TLR5: variants seen among roughly 807,000 people sequenced by gnomAD.
The protein encoded by TLR5 is toll like receptor 5.
For missense variants in TLR5, 944 were observed against 999.8 expected (o/e 0.94, Z 0.75); for synonymous variants, 373 against 384.4 (o/e 0.97, Z 0.35).
intron 1 of TLR5, among the ~76,000 whole-genome samples, chr1:223,142,049 G>A (rs1349126611): frequency 2.0e-5 from 3 of 152,048 alleles, no homozygotes; most frequent in Non-Finnish European, 4.4e-5. Flanking sequence ...ACTGGGAATT[G>A]TTTTCTGCCC....
At chr1:223,113,521 T>TC (rs1364142011) in intron 5 of TLR5, among the ~76,000 whole-genome samples, 2 of 152,174 alleles carry the variant, frequency 1.3e-5, no homozygotes, top group Non-Finnish European at 2.9e-5. Context: ...TTGCTCTCTA[T>TC]CAAACACTTA....
At chr1:223,138,303 G>A (rs1405897380) in intron 2 of TLR5, among the ~76,000 whole-genome samples, 1 of 151,864 alleles carries the variant, frequency 6.6e-6, no homozygotes. Context: ...GTTTTGTTTT[G>A]TTTTGTTTAG....
At chr1:223,124,489 C>G (rs1353290327) in intron 5 of TLR5, among the ~76,000 whole-genome samples, 1 of 151,924 alleles carries the variant, frequency 6.6e-6, no homozygotes, top group Admixed American at 6.6e-5. Flanking sequence ...TTGGAGCCCC[C>G]TTAAGGTAGC....
intron 5 of TLR5, among the ~76,000 whole-genome samples, chr1:223,124,604 T>G (rs535991370): frequency 6.6e-6 from 1 of 152,226 alleles, no homozygotes; most frequent in Admixed American, 6.5e-5. Flanking sequence ...AGATTGCAGC[T>G]TGTGAGTTAT....
At chr1:223,138,915 T>G (rs765713198) in intron 2 of TLR5, among the ~76,000 whole-genome samples, 39 of 152,160 alleles carry the variant, frequency 2.6e-4, no homozygotes, top group Non-Finnish European at 4.9e-4. Flanking sequence ...TGGGGGCAGG[T>G]CTTCTGCGTG....
chr1:223,138,550 G>C (rs1218302175), intron 2 of TLR5, among the ~76,000 whole-genome samples: 1 of 152,090 alleles, frequency 6.6e-6, no homozygotes, highest in Non-Finnish European at 1.5e-5. Flanking sequence ...TCTTTCTCTA[G>C]GCCTGACCTC....
chr1:223,111,628 G>A lies in TLR5; in HGVS notation c.1404C>T (p.Thr468=). The A allele has an allele frequency of 1.2e-6, 2 of 1,614,108 alleles. No individual in the cohort carries two copies. Among genetic ancestry groups the A allele is most frequent in the Non-Finnish European group, 8.5e-7 (1 of 1,180,018 alleles). ...NRFSSCSGDQ[T]PSENPSLEQL... is the part of the protein sequence containing the mutation. ...GTTCTAAGCTGGGATTCTCTGAAGGGGTTTGATCTCCACTACAGGAGGAGA... is the reference window on the plus strand; with the variant it reads ...GTTCTAAGCTGGGATTCTCTGAAGGAGTTTGATCTCCACTACAGGAGGAGA... The change falls in exon 6 of 6, where the codon ACC becomes ACT. Residue 468 remains threonine, a synonymous_variant. Coordinates refer to ENST00000642603, the MANE Select transcript of TLR5 (RefSeq NM_003268.6).
chr1:223,124,729 G>C (rs1657097861), intron 5 of TLR5, among the ~76,000 whole-genome samples: 1 of 152,140 alleles, frequency 6.6e-6, no homozygotes, highest in South Asian at 2.1e-4. Context: ...TCAGCCTCCT[G>C]AGTAGCTGGG....
In TLR5 at chr1:223,110,316, A is replaced by G; in HGVS notation, c.*139T>C. 1.2e-6 allele frequency: 1 copy of G among 851,106 alleles called. No homozygotes were observed. Among genetic ancestry groups the G allele is most frequent in the South Asian group, 1.6e-5 (1 of 62,682 alleles). 52.7% of individuals were successfully genotyped at this position (851,106 alleles called of 1,614,324 possible). A position where few individuals can be genotyped will look rare whatever the true frequency, so the allele number is the denominator to read the frequency against. On this transcript the variant is annotated 3_prime_UTR_variant, in exon 6 of 6. Transcript: ENST00000642603. ...GACAGAACATGGTGTTGATACGAAA[A>G]TTGAGAGATTTATGTTGTTTTCATA...
At chr1:223,113,170 G>GCCAC in intron 5 of TLR5, 135 bp from the exon 6 acceptor site, 1 of 851,420 alleles carries the variant, frequency 1.2e-6, no homozygotes. Context: ...CTCCACAGAC[G>GCCAC]TGGCTGTTGG....
chr1:223,112,374 T>G lies in TLR5; in HGVS notation c.658A>C (p.Met220Leu). The G allele has an allele frequency of 6.2e-7, 1 of 1,614,250 alleles. No individual in the cohort carries two copies. Among genetic ancestry groups the G allele is most frequent in the Non-Finnish European group, 8.5e-7 (1 of 1,180,046 alleles). ...AGCACCATGTTTCTGAATGGGTTCATACATTTTCCCCAGTCCACTGAGACT... is the reference window on the plus strand; with the variant it reads ...AGCACCATGTTTCTGAATGGGTTCAGACATTTTCCCCAGTCCACTGAGACT... ...SRVSVDWGKC[M>L]NPFRNMVLEI... The change falls in exon 6 of 6, where the codon ATG (methionine) becomes CTG (leucine). Residue 220 changes from methionine (M) to leucine (L), a missense_variant. Transcript: ENST00000642603.
intron 5 of TLR5, among the ~76,000 whole-genome samples, chr1:223,126,482 T>A (rs1657170578): frequency 6.6e-6 from 1 of 152,228 alleles, no homozygotes; most frequent in African/African-American, 2.4e-5. Context: ...GGACATTTTT[T>A]ATAAAATGAA....
intron 5 of TLR5, among the ~76,000 whole-genome samples, chr1:223,122,087 C>T (rs920161564): frequency 6.6e-6 from 1 of 152,180 alleles, no homozygotes; most frequent in Non-Finnish European, 1.5e-5. Context: ...AAGGCAAGCA[C>T]CATCCCTCCT....
chr1:223,111,973 A>C lies in TLR5; in HGVS notation c.1059T>G (p.Ser353Arg). The C allele has an allele frequency of 6.2e-7, 1 of 1,614,210 alleles. No homozygotes were observed. The highest frequency in any genetic ancestry group is 8.5e-7 in the Non-Finnish European group (1 of 1,180,050). Reference sequence around the variant, plus strand: ...CCTTAGGTAGTCCATAGAAATTCGAACTGTAAAGTTCCCCCAGAAGGTTAT... The same window carrying C: ...CCTTAGGTAGTCCATAGAAATTCGACCTGTAAAGTTCCCCCAGAAGGTTAT... ...LSYNLLGELY[S>R]SNFYGLPKVA... is the part of the protein sequence containing the mutation. The change falls in exon 6 of 6, where the codon AGT (serine) becomes AGG (arginine). Residue 353 changes from serine to arginine, a missense_variant. Coordinates refer to ENST00000642603, the MANE Select transcript of TLR5 (RefSeq NM_003268.6).
intron 2 of TLR5, among the ~76,000 whole-genome samples, chr1:223,137,950 A>ATTTTTTTTTTTTTTTTTTTTTTTTTT (rs3044335): frequency 1.2e-5 from 1 of 84,538 alleles, no homozygotes; most frequent in African/African-American, 5.0e-5. Context: ...GGCTTTTTAA[A>ATTTTTTTTTTTTTTTTTTTTTTTTTT]TTTTTTTTTT....
rs188005028 is a variant in TLR5 at position 223,128,536 on chromosome 1, A to C, written c.-5+3939T>G. On this transcript the variant is annotated intron_variant, in intron 5 of 5. Coordinates refer to ENST00000642603, the MANE Select transcript of TLR5 (RefSeq NM_003268.6). ...GTCGTTTATTCCTGACAATGGAACA[A>C]TGTGGGAGTGAGGCAGTAGAATAGG... The C allele has an allele frequency of 2.0e-5, 3 of 152,324 alleles. No individual in the cohort carries two copies. The East Asian group carries it at 5.8e-4, about 29-fold the overall frequency. The allele number at this position is 152,324 out of a possible 1,614,324, so 9.4% of individuals were successfully genotyped here.
chr1:223,131,763 T>A lies in TLR5; in HGVS notation c.-5+712A>T, dbSNP rs1486774051. On this transcript the variant is annotated intron_variant, in intron 5 of 5. Coordinates refer to ENST00000642603, the MANE Select transcript of TLR5 (RefSeq NM_003268.6). This position sits in a 1 kb window ranked among gnomAD's most constrained non-coding sequence, Gnocchi z 4.2. Reference sequence around the variant, plus strand: ...TGTTGTTGTTGTTGTTTTTGTTTTGTAGAGACAGGGTTCCACCATGTTGCC... The same window carrying A: ...TGTTGTTGTTGTTGTTTTTGTTTTGAAGAGACAGGGTTCCACCATGTTGCC... Among the ~76,000 whole-genome samples, 1 of 151,908 alleles carries A rather than the reference T, an allele frequency of 6.6e-6. No homozygotes were observed. Among genetic ancestry groups the A allele is most frequent in the Non-Finnish European group, 1.5e-5 (1 of 67,978 alleles).
chr1:223,111,596 A>G lies in TLR5; in HGVS notation c.1436T>C (p.Phe479Ser). ...AAGTTGCAACATATTTTCTCCAAGG[A>G]AAAGCTGTTCTAAGCTGGGATTCTC... ...PSENPSLEQL[F>S]LGENMLQLAW... Residue 479 changes from phenylalanine (F) to serine (S), a missense_variant, in exon 6 of 6, where the codon TTC becomes TCC. Transcript: ENST00000642603. 1 of 1,614,194 alleles carries G rather than the reference A, an allele frequency of 6.2e-7. No individual in the cohort carries two copies. The highest frequency in any genetic ancestry group is 8.5e-7 in the Non-Finnish European group (1 of 1,180,034).
intron 3 of TLR5, among the ~76,000 whole-genome samples, chr1:223,135,078 G>A (rs960980970): frequency 3.9e-5 from 6 of 152,094 alleles, no homozygotes; most frequent in Admixed American, 2.0e-4. Flanking sequence ...GCTAGCAAAG[G>A]AATCAAGAGA....
Sources: allele counts gnomAD v4.1 joint callset (sites outside exome capture counted in the v4.1 genomes callset), GRCh38; gene constraint gnomAD v4.1.1; non-coding constraint Gnocchi (gnomAD v3.1); transcripts MANE v1.5; gene names NCBI Gene and HGNC (gene_info 2026-07-23, HGNC 2026-07-21).